The following MRPS6 variants were observed in gnomAD, a reference collection of about 807,000 sequenced individuals.
The protein encoded by MRPS6 is mitochondrial ribosomal protein S6.
In MRPS6, 6 loss-of-function variants were observed where a neutral mutation model predicts 13.1. That is an observed-to-expected ratio of 0.46 (90% CI 0.25 to 0.91). The LOEUF is 0.91. Among genes scored for constraint, MRPS6 ranks in the 40% least tolerant of loss-of-function variants. MRPS6 has a pLI of 0.18. For synonymous variants in MRPS6, 61 were observed against 56.5 expected (o/e 1.08, Z -0.36); for missense variants, 164 against 155.6 (o/e 1.05, Z -0.29).
intron 1 of MRPS6, chr21:34,097,762 A>G (rs1015241743): frequency 1.0e-4 from 100 of 1,003,536 alleles, no homozygotes; most frequent in Non-Finnish European, 1.2e-4. Context: ...CTGTCTCTGT[A>G]ATCCCTCCTA....
intron 1 of MRPS6, chr21:34,095,631 T>G: frequency 6.2e-7 from 1 of 1,613,260 alleles, no homozygotes; most frequent in Non-Finnish European, 8.5e-7. Flanking sequence ...GGATCTGTAT[T>G]CGGGTGCCCT....
At position 34,083,685 on chromosome 21, in the gene MRPS6, C is replaced by A. The variant is rs556948595; in HGVS notation, c.45+9940C>A. Among the ~76,000 whole-genome samples the A allele has an allele frequency of 2.0e-5, 3 of 152,262 alleles. No homozygotes were observed. In the East Asian group the frequency reaches 5.8e-4, roughly 29 times the overall value. ...TATAGTATCTTGAAGCTTTAAGACA[C>A]CAAGTTTCCATTAGGCAGCCTAAGT... On this transcript the variant is annotated intron_variant, in intron 1 of 2. Coordinates refer to ENST00000399312, the MANE Select transcript of MRPS6 (RefSeq NM_032476.4).
At position 34,098,862 on chromosome 21, in the gene MRPS6, G is replaced by A. The variant is rs939558177; in HGVS notation, c.45+25117G>A. Reference sequence around the variant, plus strand: ...TTGTCCTCCATGAAAGATGAAGGAAGCAAATTATGTATGTACTTTCTTTGA... The same window carrying A: ...TTGTCCTCCATGAAAGATGAAGGAAACAAATTATGTATGTACTTTCTTTGA... On this transcript the variant is annotated intron_variant, in intron 1 of 2. Transcript: ENST00000399312. 8 of 999,598 alleles carry A rather than the reference G, an allele frequency of 8.0e-6. No individual in the cohort carries two copies. In the African/African-American group the frequency reaches 1.4e-4, roughly 17 times the overall value. The allele number at this position is 999,598 out of a possible 1,614,324, so 61.9% of individuals were successfully genotyped here.
chr21:34,131,372 C>T (rs959914336), intron 2 of MRPS6, among the ~76,000 whole-genome samples: 2 of 152,246 alleles, frequency 1.3e-5, no homozygotes, highest in East Asian at 1.9e-4. Context: ...CTCTCTTTTC[C>T]CAGGGTCAGG....
intron 1 of MRPS6, chr21:34,102,303 C>T: frequency 1.0e-6 from 1 of 998,794 alleles, no homozygotes. Flanking sequence ...ACTTCTCTCT[C>T]TTCAATGCTG....
intron 2 of MRPS6, among the ~76,000 whole-genome samples, chr21:34,127,470 G>C (rs1333935823): frequency 6.6e-6 from 1 of 152,192 alleles, no homozygotes; most frequent in Non-Finnish European, 1.5e-5. Flanking sequence ...GCACATAAAT[G>C]ATGAGAAGCC....
intron 1 of MRPS6, among the ~76,000 whole-genome samples, chr21:34,120,693 T>C (rs1427430215): frequency 6.6e-6 from 1 of 152,220 alleles, no homozygotes; most frequent in Non-Finnish European, 1.5e-5. Context: ...AACATTTATA[T>C]TTATATGTGT....
chr21:34,115,920 C>CTT (rs777048344), intron 1 of MRPS6, among the ~76,000 whole-genome samples: 7 of 141,092 alleles, frequency 5.0e-5, no homozygotes, highest in African/African-American at 1.8e-4. Flanking sequence ...CTACATAGTC[C>CTT]TTTTTTTTTT....
At chr21:34,113,009 GAAC>G (rs201419036) in intron 1 of MRPS6, among the ~76,000 whole-genome samples, 1,754 of 151,824 alleles carry the variant, frequency 0.012, 38 homozygotes, top group South Asian at 0.081. Context: ...ACAAACAAAT[GAAC>G]AACAACAACA....
At chr21:34,113,493 G>A (rs1979786871) in intron 1 of MRPS6, among the ~76,000 whole-genome samples, 3 of 152,190 alleles carry the variant, frequency 2.0e-5, no homozygotes, top group Admixed American at 6.5e-5. Flanking sequence ...TCCCTCATAT[G>A]TGGCATCTGA....
At chr21:34,129,220 G>A (rs1980414291) in intron 2 of MRPS6, among the ~76,000 whole-genome samples, 1 of 152,034 alleles carries the variant, frequency 6.6e-6, no homozygotes, top group South Asian at 2.1e-4. Context: ...GTCACCCTTT[G>A]CCAGAACCAC....
At chr21:34,100,631 C>T in intron 1 of MRPS6, 1 of 1,000,156 alleles carries the variant, frequency 1.0e-6, no homozygotes. Context: ...AGCTGGGACC[C>T]ATCACTCTGT....
At position 34,096,260 on chromosome 21, in the gene MRPS6, G is replaced by C; in HGVS notation, c.45+22515G>C. The C allele has an allele frequency of 6.2e-7, 1 of 1,614,128 alleles. No individual in the cohort carries two copies. The highest frequency in any genetic ancestry group is 1.7e-5 in the Admixed American group (1 of 60,014). On this transcript the variant is annotated intron_variant, in intron 1 of 2. Coordinates refer to ENST00000399312, the MANE Select transcript of MRPS6 (RefSeq NM_032476.4). The surrounding 1 kb of genome is among the most constrained non-coding windows in gnomAD (Gnocchi z 5.9). ...GCTCCAATATTGCTTACCCACGCCT[G>C]GTGATGAAGCTGGTTCCTGTGGGCC...
At chr21:34,092,208 C>G (rs1417898414) in intron 1 of MRPS6, among the ~76,000 whole-genome samples, 1 of 152,052 alleles carries the variant, frequency 6.6e-6, no homozygotes, top group Non-Finnish European at 1.5e-5. Context: ...AAATTCAAGG[C>G]TGTGACTGTG....
intron 2 of MRPS6, chr21:34,136,092 GTC>G (rs1980691210): frequency 4.5e-6 from 1 of 221,322 alleles, no homozygotes. Context: ...CAGCCCGAGT[GTC>G]TCTGTTACTT....
At chr21:34,131,614 C>T (rs1467916061) in intron 2 of MRPS6, among the ~76,000 whole-genome samples, 3 of 152,150 alleles carry the variant, frequency 2.0e-5, no homozygotes, top group Non-Finnish European at 4.4e-5. Flanking sequence ...AAGGGATCCT[C>T]GCAGGCATCA....
At chr21:34,082,184 T>C (rs1989474634) in intron 1 of MRPS6, among the ~76,000 whole-genome samples, 3 of 152,208 alleles carry the variant, frequency 2.0e-5, no homozygotes, top group Admixed American at 6.5e-5. Flanking sequence ...GTAGGTTGTC[T>C]GTAAATCTCT....
intron 1 of MRPS6, among the ~76,000 whole-genome samples, chr21:34,082,807 T>G (rs759590735): frequency 2.0e-5 from 3 of 152,200 alleles, no homozygotes; most frequent in South Asian, 4.1e-4. Flanking sequence ...GATCCCAGGT[T>G]GTTCTTACGT....
chr21:34,105,899 T>C (rs944696262), intron 1 of MRPS6: 1 of 987,044 alleles, frequency 1.0e-6, no homozygotes, highest in South Asian at 4.8e-5. Flanking sequence ...ATCATGACAA[T>C]TCTAACTTGT....
Sources: gnomAD v4.1 joint callset for allele counts (sites outside exome capture counted in the v4.1 genomes callset) on GRCh38, gnomAD v4.1.1 for gene constraint, Gnocchi (gnomAD v3.1) non-coding constraint, MANE v1.5 for transcripts, NCBI Gene and HGNC (gene_info 2026-07-23, HGNC 2026-07-21) for gene names.